The following RUNX1 variants were observed in gnomAD, a reference collection of about 807,000 sequenced individuals.
RUNX1 encodes RUNX family transcription factor 1.
A neutral mutation model predicts 42.8 loss-of-function variants in RUNX1; 19 were observed. The ratio of observed to expected loss-of-function variants is 0.44; its 90% confidence interval spans 0.31 to 0.65. RUNX1 has a LOEUF of 0.65. RUNX1 is among the 30% of genes least tolerant of loss of function. The probability of loss-of-function intolerance (pLI) is 0.07; values close to 1 mark genes in which losing one functional copy is unlikely to be tolerated. For synonymous variants in RUNX1, 271 were observed against 289.4 expected (o/e 0.94, Z 0.64); for missense variants, 528 against 672.0 (o/e 0.79, Z 2.37).
At chr21:34,846,013 G>C (rs2057309099) in intron 6 of RUNX1, among the ~76,000 whole-genome samples, 1 of 152,076 alleles carries the variant, frequency 6.6e-6, no homozygotes, top group African/African-American at 2.4e-5. Context: ...ATAATACTGT[G>C]AGGAGGCAGA....
chr21:34,875,001 G>A (rs2057793840), intron 5 of RUNX1, among the ~76,000 whole-genome samples: 1 of 152,182 alleles, frequency 6.6e-6, no homozygotes, highest in South Asian at 2.1e-4. Context: ...GGTGGGTGGA[G>A]AGAAGTACAG....
At chr21:35,041,678 A>C (rs1222542186) in intron 2 of RUNX1, among the ~76,000 whole-genome samples, 1 of 134,000 alleles carries the variant, frequency 7.5e-6, no homozygotes, top group Non-Finnish European at 1.6e-5. Flanking sequence ...TTTTTTTTTT[A>C]ACGAAGCAAT....
At chr21:35,016,858 C>T (rs1482356346) in intron 2 of RUNX1, among the ~76,000 whole-genome samples, 2 of 150,126 alleles carry the variant, frequency 1.3e-5, no homozygotes, top group Non-Finnish European at 3.0e-5. Context: ...CGTAGAATCT[C>T]TGGGACTTGC....
At chr21:34,982,885 T>A (rs908854594) in intron 2 of RUNX1, among the ~76,000 whole-genome samples, 4 of 152,178 alleles carry the variant, frequency 2.6e-5, no homozygotes, top group Non-Finnish European at 5.9e-5. Flanking sequence ...ACTTTTGAAA[T>A]AGGAAATGAA....
intron 2 of RUNX1, among the ~76,000 whole-genome samples, chr21:35,041,660 C>CTT (rs36116941): frequency 7.2e-6 from 1 of 139,496 alleles, no homozygotes; most frequent in Non-Finnish European, 1.5e-5. Context: ...TTCTTTCTTT[C>CTT]TTTTTTTTTT....
chr21:35,004,872 A>G (rs2059072604), intron 2 of RUNX1, among the ~76,000 whole-genome samples: 1 of 152,194 alleles, frequency 6.6e-6, no homozygotes, highest in African/African-American at 2.4e-5. Flanking sequence ...CAGGCCTACA[A>G]GAACATGGAT....
intron 7 of RUNX1, among the ~76,000 whole-genome samples, chr21:34,822,653 C>T (rs1046678345): frequency 1.9e-4 from 29 of 152,164 alleles, no homozygotes; most frequent in African/African-American, 7.0e-4. Flanking sequence ...GAAGATTAAC[C>T]GGCCTTGAGA....
At chr21:34,942,668 G>A (rs1191803678) in intron 2 of RUNX1, among the ~76,000 whole-genome samples, 1 of 152,218 alleles carries the variant, frequency 6.6e-6, no homozygotes, top group Non-Finnish European at 1.5e-5. Flanking sequence ...AGGCATAGTG[G>A]TGAGGACAAT....
intron 3 of RUNX1, chr21:34,887,931 C>T: frequency 9.4e-7 from 1 of 1,065,660 alleles, no homozygotes; most frequent in Non-Finnish European, 1.1e-6. Context: ...CAGAGATCTT[C>T]AGCTAATCTT....
At position 34,879,621 on chromosome 21, in the gene RUNX1, T is replaced by C. The variant is rs1363818892; in HGVS notation, c.508+936A>G. Among the ~76,000 whole-genome samples, 6 of 152,318 alleles carry C rather than the reference T, an allele frequency of 3.9e-5. No individual in the cohort carries two copies. In the East Asian group the frequency reaches 1.2e-3, roughly 29 times the overall value. Reference sequence around the variant, plus strand: ...TTTAGGTATTTACCATAAGTCTTTTTATTATACTTGAAATAACTTATTTGT... The same window carrying C: ...TTTAGGTATTTACCATAAGTCTTTTCATTATACTTGAAATAACTTATTTGT... On this transcript the variant is annotated intron_variant, in intron 5 of 8. Coordinates refer to ENST00000675419, the MANE Select transcript of RUNX1 (RefSeq NM_001754.5).
At chr21:34,808,904 C>T (rs146371040) in intron 7 of RUNX1, among the ~76,000 whole-genome samples, 3 of 152,266 alleles carry the variant, frequency 2.0e-5, no homozygotes, top group Non-Finnish European at 2.9e-5. Flanking sequence ...CAGTTGGCAT[C>T]GTGTCCCTGA....
rs192170721 is a variant in RUNX1, at chr21:34,982,512, T to G, written c.58+66330A>C. 3.1e-3 allele frequency among the ~76,000 whole-genome samples: 30 copies of G among 9,614 alleles called. 1 individual carries two copies. In the Admixed American group the frequency reaches 0.041, roughly 13 times the overall value. 6.3% of individuals were successfully genotyped at this position (9,614 alleles called of 152,430 possible). On this transcript the variant is annotated intron_variant, in intron 2 of 8. Transcript: ENST00000675419. ...TCTTAGCATACCTAGTTGTCAATTT[T>G]CTGTTTATGTTTTATATAGCCTCAT...
chr21:34,983,130 T>A (rs760145460), intron 2 of RUNX1, among the ~76,000 whole-genome samples: 9 of 152,212 alleles, frequency 5.9e-5, no homozygotes, highest in Non-Finnish European at 1.0e-4. Context: ...AGCAAGCGCA[T>A]GAGGTAGAAA....
intron 2 of RUNX1, among the ~76,000 whole-genome samples, chr21:35,041,245 C>T (rs1179037501): frequency 6.6e-6 from 1 of 152,194 alleles, no homozygotes; most frequent in Non-Finnish European, 1.5e-5. Context: ...CTGCATAGTT[C>T]TCTCTCCCAA....
intron 2 of RUNX1, among the ~76,000 whole-genome samples, chr21:34,968,738 G>A (rs777924453): frequency 1.3e-5 from 2 of 152,084 alleles, no homozygotes; most frequent in Non-Finnish European, 2.9e-5. Flanking sequence ...ACTGTGAGCA[G>A]GTGGTCTGAT....
intron 7 of RUNX1, among the ~76,000 whole-genome samples, chr21:34,822,785 G>A (rs61332608): frequency 0.058 from 8,784 of 152,222 alleles, 713 homozygotes; most frequent in African/African-American, 0.18. Context: ...TGATATGTGC[G>A]GAGAGATGCA....
chr21:34,808,576 C>T (rs1379187273), intron 7 of RUNX1, among the ~76,000 whole-genome samples: 1 of 152,184 alleles, frequency 6.6e-6, no homozygotes, highest in Non-Finnish European at 1.5e-5. Flanking sequence ...TCTGTTTCCT[C>T]ACCTCTAAAA....
intron 2 of RUNX1, chr21:35,038,847 C>T (rs886904563): frequency 2.3e-6 from 1 of 429,488 alleles, no homozygotes; most frequent in Non-Finnish European, 4.7e-6. Context: ...ATCTCTGAAC[C>T]CTCTGCATGG....
At chr21:34,888,230 C>T (rs1467244246) in intron 3 of RUNX1, 1 of 1,066,882 alleles carries the variant, frequency 9.4e-7, no homozygotes, top group African/African-American at 1.6e-5. Flanking sequence ...CGAACACCCA[C>T]GAGCGCCGCG....
Sources: allele counts gnomAD v4.1 joint callset (sites outside exome capture counted in the v4.1 genomes callset), GRCh38; gene constraint gnomAD v4.1.1; transcripts MANE v1.5; gene names NCBI Gene and HGNC (gene_info 2026-07-23, HGNC 2026-07-21).